ASB5: variants seen among roughly 807,000 people sequenced by gnomAD.
The protein encoded by ASB5 is ankyrin repeat and SOCS box protein 5.
In ASB5, 45 loss-of-function variants were observed where a neutral mutation model predicts 42.1. The ratio of observed to expected loss-of-function variants is 1.07; its 90% CI spans 0.84 to 1.37. The LOEUF (loss-of-function observed/expected upper bound fraction) is 1.37, where lower values mean the gene tolerates loss of function less well. ASB5 is among the 40% of genes most tolerant of loss of function. The pLI is 0.00. For synonymous variants in ASB5, 147 were observed against 150.6 expected (o/e 0.98, Z 0.18); for missense variants, 402 against 399.8 (o/e 1.01, Z -0.05).
chr4:176,273,806 A>C (rs187167578), upstream of ASB5, among the ~76,000 whole-genome samples: 2 of 152,370 alleles, frequency 1.3e-5, no homozygotes, highest in East Asian at 3.9e-4. Context: ...TTCTGCATAT[A>C]TAAGAGTTTA....
chr4:176,225,247 T>C lies in ASB5; in HGVS notation c.276+15A>G, dbSNP rs1753341786. The stretch of plus-strand genomic sequence containing the variant: ...TGGAAAGGGGGTATATTTTAAACTA[T>C]ATGTAATATATTACCTGTGATAATA... On this transcript the variant is annotated intron_variant, in intron 2 of 6. Coordinates refer to ENST00000296525, the MANE Select transcript of ASB5 (RefSeq NM_080874.4). The C allele has an allele frequency of 3.1e-6, 5 of 1,596,230 alleles. No homozygotes were observed. The highest frequency in any genetic ancestry group is 4.3e-6 in the Non-Finnish European group (5 of 1,163,958).
chr4:176,229,010 A>C (rs1042058640), intron 1 of ASB5, among the ~76,000 whole-genome samples: 1 of 152,250 alleles, frequency 6.6e-6, no homozygotes, highest in Non-Finnish European at 1.5e-5. Flanking sequence ...AACAGATTGC[A>C]TATGTGAAGC....
At position 176,214,855 on chromosome 4, in the gene ASB5, G is replaced by A. The variant is rs1197135498; in HGVS notation, c.*745C>T. 7 of 152,130 alleles carry A rather than the reference G, an allele frequency of 4.6e-5. No individual in the cohort carries two copies. Among genetic ancestry groups the A allele is most frequent in the Non-Finnish European group, 8.8e-5 (6 of 68,022 alleles). 9.4% of individuals were successfully genotyped at this position (152,130 alleles called of 1,614,324 possible). On this transcript the variant is annotated 3_prime_UTR_variant, in exon 7 of 7. Coordinates refer to ENST00000296525, the MANE Select transcript of ASB5 (RefSeq NM_080874.4). ...AATATGCATATAACCGCCTTGATAAGAGATCATCAGGGGCTACTCCTGAGA... is the reference window on the plus strand; with the variant it reads ...AATATGCATATAACCGCCTTGATAAAAGATCATCAGGGGCTACTCCTGAGA...
At chr4:176,228,513 A>T (rs1269734421) in intron 1 of ASB5, among the ~76,000 whole-genome samples, 1 of 152,232 alleles carries the variant, frequency 6.6e-6, no homozygotes, top group Non-Finnish European at 1.5e-5. Context: ...AATAACAGAT[A>T]TAAGTTTCCA....
At chr4:176,223,965 A>C (rs1753297825) in intron 2 of ASB5, among the ~76,000 whole-genome samples, 1 of 152,106 alleles carries the variant, frequency 6.6e-6, no homozygotes, top group South Asian at 2.1e-4. Context: ...TGATGAACAA[A>C]ACAAAACAGT....
chr4:176,228,507 A>G (rs1240453849), intron 1 of ASB5, among the ~76,000 whole-genome samples: 1 of 152,226 alleles, frequency 6.6e-6, no homozygotes, highest in Non-Finnish European at 1.5e-5. Flanking sequence ...TCTCTCAATA[A>G]CAGATATAAG....
At chr4:176,221,046 TAAG>T (rs1753189465) in intron 5 of ASB5, 106 bp downstream of exon 5, 1 of 1,328,152 alleles carries the variant, frequency 7.5e-7, no homozygotes, top group Non-Finnish European at 1.0e-6. Flanking sequence ...ATGCTTAAAA[TAAG>T]AACATTTTTT....
At chr4:176,272,776 G>A (rs964252837), upstream of ASB5, among the ~76,000 whole-genome samples, 3 of 152,004 alleles carry the variant, frequency 2.0e-5, no homozygotes, top group South Asian at 2.1e-4. Context: ...AGGGAATTTT[G>A]CATCTAGAGA....
intron 5 of ASB5, among the ~76,000 whole-genome samples, chr4:176,219,638 G>A (rs535794081): frequency 2.0e-4 from 25 of 123,562 alleles, no homozygotes; most frequent in Non-Finnish European, 3.4e-4. Flanking sequence ...ACAGTGGCAC[G>A]ATCTCGGCTC....
chr4:176,272,735 A>G (rs1754491429), upstream of ASB5, among the ~76,000 whole-genome samples: 2 of 152,142 alleles, frequency 1.3e-5, no homozygotes, highest in Admixed American at 1.3e-4. Context: ...TTTCAAATAT[A>G]ACCAGATTAG....
intron 1 of ASB5, among the ~76,000 whole-genome samples, chr4:176,252,393 G>A (rs1754060231): frequency 6.6e-6 from 1 of 152,134 alleles, no homozygotes; most frequent in Non-Finnish European, 1.5e-5. Context: ...CATTGAAAAG[G>A]GTAACAAATT....
chr4:176,221,357 C>T, intron 4 of ASB5, 68 bp from the exon 5 acceptor site: 1 of 1,597,794 alleles, frequency 6.3e-7, no homozygotes, highest in Non-Finnish European at 8.5e-7. Flanking sequence ...CCCAGGCTTC[C>T]CTTGTGGTGT....
At chr4:176,258,943 T>C (rs932284976) in intron 1 of ASB5, among the ~76,000 whole-genome samples, 5 of 152,200 alleles carry the variant, frequency 3.3e-5, no homozygotes, top group Non-Finnish European at 7.3e-5. Context: ...GCAACTATTG[T>C]TTTGGGACTT....
At chr4:176,219,753 G>A (rs1323338027) in intron 5 of ASB5, among the ~76,000 whole-genome samples, 1 of 150,826 alleles carries the variant, frequency 6.6e-6, no homozygotes, top group East Asian at 1.9e-4. Flanking sequence ...TTTTAATAGA[G>A]ACAGGGTTTC....
intron 2 of ASB5, among the ~76,000 whole-genome samples, chr4:176,222,966 C>T (rs1456007591): frequency 2.6e-5 from 4 of 151,896 alleles, no homozygotes; most frequent in African/African-American, 9.7e-5. Context: ...TTTTAGTAGA[C>T]ACGGGGTTGC....
upstream of ASB5, among the ~76,000 whole-genome samples, chr4:176,270,657 A>G (rs899121319): frequency 2.0e-5 from 3 of 152,216 alleles, no homozygotes; most frequent in African/African-American, 7.2e-5. Flanking sequence ...CCAGTGTGCC[A>G]TTTCATATGT....
chr4:176,273,947 C>T (rs748239301), upstream of ASB5, among the ~76,000 whole-genome samples: 4 of 152,134 alleles, frequency 2.6e-5, no homozygotes, highest in Admixed American at 6.5e-5. Context: ...TTTAATGGAT[C>T]GTATCTTGCC....
At chr4:176,271,108 A>AATATTTAT (rs1754461620), upstream of ASB5, among the ~76,000 whole-genome samples, 3 of 152,324 alleles carry the variant, frequency 2.0e-5, no homozygotes, top group African/African-American at 7.2e-5. Context: ...TAATACAAAA[A>AATATTTAT]ACTACAGTAT....
At chr4:176,230,961 T>C (rs771917962) in intron 1 of ASB5, among the ~76,000 whole-genome samples, 5 of 152,224 alleles carry the variant, frequency 3.3e-5, no homozygotes, top group African/African-American at 1.2e-4. Flanking sequence ...ACTTTCACCA[T>C]GCTAATCAAA....
Sources: allele counts gnomAD v4.1 joint callset (sites outside exome capture counted in the v4.1 genomes callset), GRCh38; gene constraint gnomAD v4.1.1; transcripts MANE v1.5; gene names NCBI Gene and HGNC (gene_info 2026-07-23, HGNC 2026-07-21).